The following EPHA5 variants were observed in gnomAD, a reference collection of about 807,000 sequenced individuals.
The protein encoded by EPHA5 is ephrin type-A receptor 5.
Under a neutral mutation model 105.0 loss-of-function variants are expected in EPHA5, and 60 were observed. The ratio of observed to expected loss-of-function variants is 0.57; its 90% CI spans 0.46 to 0.71. EPHA5 has a LOEUF of 0.71. EPHA5 is among the 30% of genes least tolerant of loss of function. The pLI is 0.00. For synonymous variants in EPHA5, 513 were observed against 449.1 expected (o/e 1.14, Z -1.80); for missense variants, 1,218 against 1,274.7 (o/e 0.96, Z 0.68).
At chr4:65,653,591 TA>T (rs1217852793) in intron 1 of EPHA5, among the ~76,000 whole-genome samples, 5 of 152,184 alleles carry the variant, frequency 3.3e-5, no homozygotes, top group Admixed American at 2.6e-4. Context: ...TACAATGGTT[TA>T]TATATCTTAA....
At chr4:65,573,866 G>C in intron 3 of EPHA5, 2 of 1,612,688 alleles carry the variant, frequency 1.2e-6, no homozygotes. Flanking sequence ...CCTTCAGTCA[G>C]CACGTGAGAA....
In EPHA5 at chr4:65,369,590, T is replaced by C. The variant is rs75061582; in HGVS notation, c.1794-2166A>G. On this transcript the variant is annotated intron_variant, in intron 8 of 16. Transcript: ENST00000613740. ...TATATTTTGATATTAAGGGAATATA[T>C]TTTGTTGTCATTTTACAATGTGTAA... 1.6e-3 allele frequency among the ~76,000 whole-genome samples: 247 copies of C among 152,306 alleles called. 3 individuals are homozygous for C. The East Asian group carries it at 0.043, about 26-fold the overall frequency.
chr4:65,479,956 G>T (rs758436849), intron 5 of EPHA5, among the ~76,000 whole-genome samples: 4 of 151,976 alleles, frequency 2.6e-5, no homozygotes, highest in Non-Finnish European at 5.9e-5. Flanking sequence ...ATGAAAGTAG[G>T]TACATAAGAA....
At chr4:65,617,417 T>C (rs554469632) in intron 2 of EPHA5, among the ~76,000 whole-genome samples, 77 of 152,252 alleles carry the variant, frequency 5.1e-4, no homozygotes, top group African/African-American at 1.8e-3. Flanking sequence ...GCTGAATTTA[T>C]GCATGTAAAA....
At chr4:65,576,485 A>G (rs1193972883) in intron 3 of EPHA5, among the ~76,000 whole-genome samples, 1 of 152,230 alleles carries the variant, frequency 6.6e-6, no homozygotes, top group African/African-American at 2.4e-5. Flanking sequence ...ATGTAGCACA[A>G]TATGGTTTTT....
At chr4:65,332,564 T>C (rs1349533334) in intron 15 of EPHA5, among the ~76,000 whole-genome samples, 1 of 143,816 alleles carries the variant, frequency 7.0e-6, no homozygotes, top group African/African-American at 2.6e-5. Context: ...AAATACAGGT[T>C]CATCAACGGT....
At chr4:65,541,551 C>G (rs753376651) in intron 3 of EPHA5, among the ~76,000 whole-genome samples, 11 of 151,916 alleles carry the variant, frequency 7.2e-5, no homozygotes, top group Non-Finnish European at 1.5e-4. Context: ...GAAGAGCTAA[C>G]TGTCACAAAG....
rs369479501 is a variant in EPHA5, at chr4:65,359,938, C to G, written c.2173+5079G>C. On this transcript the variant is annotated intron_variant, in intron 11 of 16. Transcript: ENST00000613740. ...TACATTGTCTATTCTCCTACTACAT[C>G]GTTAATCTAAATTCTTACCAAAGAC... Among the ~76,000 whole-genome samples the G allele has an allele frequency of 5.0e-4, 76 of 151,628 alleles. 1 individual carries two copies. The South Asian group carries it at 0.016, about 31-fold the overall frequency.
intron 7 of EPHA5, among the ~76,000 whole-genome samples, chr4:65,411,911 T>G (rs929123516): frequency 1.3e-5 from 2 of 152,190 alleles, no homozygotes; most frequent in Non-Finnish European, 2.9e-5. Context: ...GGCTAGAAAT[T>G]AAATAAAATC....
In EPHA5 at chr4:65,365,149, A is replaced by G. The variant is rs1363369380; in HGVS notation, c.2041T>C (p.Leu681=). 1.9e-6 allele frequency: 3 copies of G among 1,611,542 alleles called. No homozygotes were observed. The highest frequency in any genetic ancestry group is 1.7e-6 in the Non-Finnish European group (2 of 1,178,306). The stretch of plus-strand genomic sequence containing the variant: ...TTAAGGGTTTTGATAGCCACAGGTA[A>G]TTCTCTTTTTCCTGGTAGTTTCAAA... ...GRLKLPGKRE[L]PVAIKTLKVG... is the part of the protein sequence containing the mutation. The change falls in exon 11 of 17, where the codon TTA becomes CTA. Residue 681 remains leucine, a synonymous_variant. Coordinates refer to ENST00000613740, the MANE Select transcript of EPHA5 (RefSeq NM_001281766.3).
intron 3 of EPHA5, among the ~76,000 whole-genome samples, chr4:65,595,341 A>T (rs902182375): frequency 6.6e-6 from 1 of 152,114 alleles, no homozygotes; most frequent in Non-Finnish European, 1.5e-5. Flanking sequence ...AACAACTTAT[A>T]GAATAAGTGA....
chr4:65,496,396 C>A (rs1461324667), intron 3 of EPHA5, among the ~76,000 whole-genome samples: 1 of 133,288 alleles, frequency 7.5e-6, no homozygotes, highest in Non-Finnish European at 1.6e-5. Context: ...CACCCCACCA[C>A]AGGCCCCAGA....
chr4:65,427,713 G>A (rs1022817041), intron 5 of EPHA5, among the ~76,000 whole-genome samples: 1 of 152,058 alleles, frequency 6.6e-6, no homozygotes, highest in Non-Finnish European at 1.5e-5. Context: ...AGAAACATGG[G>A]AAATTACAAA....
intron 3 of EPHA5, among the ~76,000 whole-genome samples, chr4:65,587,591 C>A (rs1742242315): frequency 1.3e-5 from 2 of 152,044 alleles, no homozygotes; most frequent in South Asian, 4.1e-4. Flanking sequence ...GCCCCGACCC[C>A]CATCTGGATA....
intron 5 of EPHA5, among the ~76,000 whole-genome samples, chr4:65,458,919 A>C (rs953743298): frequency 6.6e-6 from 1 of 152,084 alleles, no homozygotes; most frequent in African/African-American, 2.4e-5. Context: ...CATATTCATT[A>C]ATATAAATCA....
intron 3 of EPHA5, among the ~76,000 whole-genome samples, chr4:65,558,775 A>G (rs1738719439): frequency 6.6e-6 from 1 of 152,080 alleles, no homozygotes; most frequent in Admixed American, 6.6e-5. Context: ...ATAATTATAG[A>G]AGGTTTGTTG....
intron 2 of EPHA5, among the ~76,000 whole-genome samples, chr4:65,617,553 T>C (rs1008462332): frequency 3.9e-5 from 6 of 152,146 alleles, no homozygotes; most frequent in Admixed American, 6.5e-5. Context: ...TGAATAACAA[T>C]TACTTATCCC....
At chr4:65,581,751 G>C (rs1401185262) in intron 3 of EPHA5, among the ~76,000 whole-genome samples, 3 of 151,772 alleles carry the variant, frequency 2.0e-5, no homozygotes, top group African/African-American at 7.2e-5. Context: ...TAACTTATTG[G>C]CATGAAAACT....
chr4:65,402,091 G>A (rs1053869383), intron 8 of EPHA5, among the ~76,000 whole-genome samples: 1 of 152,080 alleles, frequency 6.6e-6, no homozygotes, highest in South Asian at 2.1e-4. Flanking sequence ...TAGTAAGATT[G>A]TTCTCAGGAG....
Sources: gnomAD v4.1 joint callset for allele counts (sites outside exome capture counted in the v4.1 genomes callset) on GRCh38, gnomAD v4.1.1 for gene constraint, MANE v1.5 for transcripts, NCBI Gene and HGNC (gene_info 2026-07-23, HGNC 2026-07-21) for gene names.